Variants in MICAL2 observed in about 807,000 individuals in gnomAD.
MICAL2 encodes the protein microtubule associated monooxygenase, calponin and LIM domain containing 2.
In MICAL2, 77 loss-of-function variants were observed where a neutral mutation model predicts 127.3. The ratio of observed to expected loss-of-function variants is 0.60; its 90% CI spans 0.50 to 0.73. The LOEUF (loss-of-function observed/expected upper bound fraction) is 0.73, where lower values mean the gene tolerates loss of function less well. MICAL2 is among the 30% of genes least tolerant of loss of function. MICAL2 has a pLI of 0.00. For synonymous variants in MICAL2, 570 were observed against 551.1 expected (o/e 1.03, Z -0.48); for missense variants, 1,351 against 1,434.4 (o/e 0.94, Z 0.94).
chr11:12,136,073 C>T (rs1233704318), intron 1 of MICAL2, among the ~76,000 whole-genome samples: 8 of 152,100 alleles, frequency 5.3e-5, no homozygotes, highest in South Asian at 2.1e-4. Flanking sequence ...GGAAGGCTCC[C>T]GGAGTTCCTG....
At chr11:12,193,136 C>A (rs370690764) in intron 3 of MICAL2, among the ~76,000 whole-genome samples, 22 of 152,306 alleles carry the variant, frequency 1.4e-4, no homozygotes, top group African/African-American at 5.3e-4. Flanking sequence ...TGAATTAAAT[C>A]ATGTTCAGAC....
intron 1 of MICAL2, among the ~76,000 whole-genome samples, chr11:12,133,943 G>C (rs1196517144): frequency 6.6e-6 from 1 of 152,236 alleles, no homozygotes; most frequent in African/African-American, 2.4e-5. Flanking sequence ...ACAGATGTGA[G>C]TGACAGTAGA....
At chr11:12,327,963 C>A (rs1401537160) in intron 32 of MICAL2, among the ~76,000 whole-genome samples, 3 of 152,044 alleles carry the variant, frequency 2.0e-5, no homozygotes, top group Non-Finnish European at 2.9e-5. Context: ...ACATTATAAA[C>A]CTTTATACTT....
chr11:12,241,248 C>A, intron 18 of MICAL2, 86 bp downstream of exon 18: 3 of 1,493,082 alleles, frequency 2.0e-6, no homozygotes, highest in Non-Finnish European at 2.7e-6. Context: ...TCTTCCCACA[C>A]CCCAAGTAGG....
rs765148940 is a variant in MICAL2, at chr11:12,244,148, TGCATGTTCCCA to T, written c.2784+38_2784+48del. On this transcript the variant is annotated intron_variant, in intron 21 of 27. Transcript: ENST00000683283. ...TGAACAATTTGCTTTCCCTATTCCC[TGCATGTTCCCA>T]GATGTTCTCATGCTCCACTTGACCT... The T allele has an allele frequency of 2.5e-6, 4 of 1,612,838 alleles. No individual in the cohort carries two copies. In the Admixed American group the frequency reaches 6.7e-5, roughly 27 times the overall value.
intron 33 of MICAL2, among the ~76,000 whole-genome samples, chr11:12,354,594 C>T (rs1253053373): frequency 1.3e-5 from 2 of 152,096 alleles, no homozygotes; most frequent in Non-Finnish European, 2.9e-5. Context: ...GCTGGTGCCA[C>T]TGCACTCCAG....
At chr11:12,168,678 G>C (rs567552831) in intron 3 of MICAL2, among the ~76,000 whole-genome samples, 1 of 151,496 alleles carries the variant, frequency 6.6e-6, no homozygotes, top group Non-Finnish European at 1.5e-5. Flanking sequence ...GAAAAGAAAA[G>C]GTTTCTTTGA....
At chr11:12,175,616 G>A (rs1053428633) in intron 3 of MICAL2, among the ~76,000 whole-genome samples, 9 of 147,238 alleles carry the variant, frequency 6.1e-5, no homozygotes, top group Non-Finnish European at 1.4e-4. Context: ...TGTCAGGTGT[G>A]TGTATATCCT....
upstream of MICAL2, chr11:12,274,401 G>A (rs928501307): frequency 2.6e-5 from 4 of 152,150 alleles, no homozygotes; most frequent in African/African-American, 9.7e-5. Flanking sequence ...AGTCATAGAA[G>A]AAAGAGACAA....
downstream of MICAL2, among the ~76,000 whole-genome samples, chr11:12,361,720 A>C (rs965800096): frequency 2.0e-5 from 3 of 152,214 alleles, no homozygotes; most frequent in African/African-American, 7.2e-5. Context: ...TGTTTTCTGC[A>C]TTCTGGAGGC....
intron 8 of MICAL2, among the ~76,000 whole-genome samples, chr11:12,218,897 A>T (rs957732609): frequency 2.0e-5 from 3 of 152,222 alleles, no homozygotes; most frequent in Non-Finnish European, 4.4e-5. Flanking sequence ...ATACTTCATC[A>T]TAAGCCATAT....
At chr11:12,147,150 G>A (rs1853012601) in intron 2 of MICAL2, among the ~76,000 whole-genome samples, 1 of 151,974 alleles carries the variant, frequency 6.6e-6, no homozygotes, top group Non-Finnish European at 1.5e-5. Flanking sequence ...CATGGCACAT[G>A]TATACATATG....
intron 1 of MICAL2, among the ~76,000 whole-genome samples, chr11:12,136,411 C>T (rs1370872016): frequency 6.6e-6 from 1 of 152,156 alleles, no homozygotes; most frequent in Non-Finnish European, 1.5e-5. Flanking sequence ...ACCTGTCTTA[C>T]AGGGTTGCTG....
intron 32 of MICAL2, among the ~76,000 whole-genome samples, chr11:12,330,860 G>GGGA (rs1864413647): frequency 1.1e-5 from 1 of 87,684 alleles, no homozygotes; most frequent in African/African-American, 3.8e-5. Context: ...AGAGAGAGGG[G>GGGA]TAGAGAGAGA....
chr11:12,259,867 G>A lies in MICAL2; in HGVS notation c.3304G>A (p.Ala1102Thr), dbSNP rs148517207. ...CACCGAAAGTTCTTGCGCAGTGGCC[G>A]CCATTGGCACCCTGGAAGGCAGCCC... ...TPTESSCAVAAIGTLEGSPPV... is the reference protein window; with the variant it reads ...TPTESSCAVATIGTLEGSPPV... Residue 1102 changes from alanine (A) to threonine (T), a missense_variant, in exon 26 of 28, where the codon GCC (alanine) becomes ACC (threonine). Physicochemically the swap from Ala to Thr is moderately conservative, Grantham distance 58. Transcript: ENST00000683283. 2.4e-5 allele frequency: 39 copies of A among 1,609,568 alleles called. No homozygotes were observed. Among genetic ancestry groups the A allele is most frequent in the African/African-American group, 1.9e-4 (14 of 74,790 alleles).
intron 2 of MICAL2, among the ~76,000 whole-genome samples, chr11:12,149,684 G>T (rs1853356472): frequency 6.6e-6 from 1 of 152,208 alleles, no homozygotes; most frequent in Non-Finnish European, 1.5e-5. Context: ...TGCTCACTGA[G>T]GTTGGGGCTG....
chr11:12,198,098 A>AC (rs1860181252), intron 3 of MICAL2, among the ~76,000 whole-genome samples: 2 of 151,744 alleles, frequency 1.3e-5, no homozygotes, highest in African/African-American at 4.8e-5. Flanking sequence ...CTACTGGCCA[A>AC]CCCCCTCTCA....
chr11:12,207,591 C>G (rs1484109815), intron 4 of MICAL2: 1 of 155,382 alleles, frequency 6.4e-6, no homozygotes, highest in Non-Finnish European at 1.4e-5. Context: ...TAATGAGTCA[C>G]TGATCACGGT....
intron 31 of MICAL2, among the ~76,000 whole-genome samples, chr11:12,324,774 T>C (rs1355739086): frequency 6.6e-6 from 1 of 152,212 alleles, no homozygotes; most frequent in Non-Finnish European, 1.5e-5. Context: ...CTATACACTA[T>C]TTCTGACAGA....
Sources: allele counts gnomAD v4.1 joint callset (sites outside exome capture counted in the v4.1 genomes callset), GRCh38; gene constraint gnomAD v4.1.1; transcripts MANE v1.5; gene names NCBI Gene and HGNC (gene_info 2026-07-23, HGNC 2026-07-21).